The following ASB7 variants were observed in gnomAD, a reference collection of about 807,000 sequenced individuals.
ASB7 encodes ankyrin repeat and SOCS box containing 7.
Under a neutral mutation model 32.5 loss-of-function variants are expected in ASB7, and 4 were observed. The observed-to-expected ratio is 0.12, with a 90% CI of 0.06 to 0.28. The LOEUF (loss-of-function observed/expected upper bound fraction) is 0.28, where lower values mean the gene tolerates loss of function less well. ASB7 is among the 10% of genes least tolerant of loss of function. ASB7 has a pLI of 1.00. For synonymous variants in ASB7, 172 were observed against 155.6 expected (o/e 1.11, Z -0.78); for missense variants, 181 against 407.1 (o/e 0.44, Z 4.78).
chr15:100,615,167 T>C (rs944910418), intron 4 of ASB7, among the ~76,000 whole-genome samples: 11 of 152,252 alleles, frequency 7.2e-5, no homozygotes, highest in African/African-American at 2.4e-4. Flanking sequence ...GTGCATTTTA[T>C]GGTGTTCACA....
At position 100,647,196 on chromosome 15, in the gene ASB7, G is replaced by T. The variant is rs563085694; in HGVS notation, c.818-1127G>T. The stretch of plus-strand genomic sequence containing the variant: ...ATAGCCCACATAAAAGTTTCTGGGG[G>T]TTCGCAATAATTTTTTAAAGTGTAA... On this transcript the variant is annotated intron_variant, in intron 5 of 5. Coordinates refer to ENST00000332783, the MANE Select transcript of ASB7 (RefSeq NM_198243.3). 2.8e-3 allele frequency among the ~76,000 whole-genome samples: 432 copies of T among 152,226 alleles called. 3 individuals are homozygous for T. Among genetic ancestry groups the T allele is most frequent in the South Asian group, 5.4e-3 (26 of 4,822 alleles).
At chr15:100,619,003 A>G (rs1465358759) in intron 4 of ASB7, among the ~76,000 whole-genome samples, 1 of 152,206 alleles carries the variant, frequency 6.6e-6, no homozygotes, top group Non-Finnish European at 1.5e-5. Flanking sequence ...CTGGGATTCA[A>G]ACCGTTTCTT....
chr15:100,645,722 CT>C (rs2039993314), intron 5 of ASB7: 4 of 1,577,842 alleles, frequency 2.5e-6, no homozygotes, highest in Non-Finnish European at 3.5e-6. Flanking sequence ...TCTGATATGC[CT>C]ATCTGTGCTT....
At position 100,650,825 on chromosome 15, in the gene ASB7, A is replaced by C. The variant is rs1332026853; in HGVS notation, c.*2363A>C. ...AGAATGTTTTATTTTTGTTGTTAAT[A>C]AAATCCCAATCACATTTCACAATAA... is the stretch of plus-strand genomic sequence containing the variant. On this transcript the variant is annotated 3_prime_UTR_variant, in exon 6 of 6. Transcript: ENST00000332783. 6.6e-6 allele frequency: 1 copy of C among 152,238 alleles called. No homozygotes were observed. Among genetic ancestry groups the C allele is most frequent in the East Asian group, 1.9e-4 (1 of 5,206 alleles). 9.4% of individuals were successfully genotyped at this position (152,238 alleles called of 1,614,324 possible).
chr15:100,643,264 TAAC>T (rs2141407514), intron 5 of ASB7, among the ~76,000 whole-genome samples: 1 of 152,126 alleles, frequency 6.6e-6, no homozygotes, highest in South Asian at 2.1e-4. Context: ...GGAAGTTACT[TAAC>T]AACATTATCA....
At position 100,602,964 on chromosome 15, in the gene ASB7, GC is replaced by G; in HGVS notation, c.-353del. ...ATCAGGAACACCAGGGTCCGGCCCT[GC>G]CTGGGGTATTTCTTCAATGGAGAAG... On this transcript the variant is annotated 5_prime_UTR_variant, in exon 1 of 6. An upstream open reading frame in the 5' UTR gains an earlier in-frame stop. Transcript: ENST00000332783. The G allele has an allele frequency of 5.0e-6, 2 of 399,176 alleles. No homozygotes were observed. Among genetic ancestry groups the G allele is most frequent in the Non-Finnish European group, 8.8e-6 (2 of 226,480 alleles). 24.7% of individuals were successfully genotyped at this position (399,176 alleles called of 1,614,324 possible). A position where few individuals can be genotyped will look rare whatever the true frequency, so the allele number is the denominator to read the frequency against.
Position 100,612,333 on chromosome 15 carries a change from C to A in ASB7, c.117C>A (p.Ser39=). 1.2e-6 allele frequency: 2 copies of A among 1,613,938 alleles called. No individual in the cohort carries two copies. Among genetic ancestry groups the A allele is most frequent in the Non-Finnish European group, 1.7e-6 (2 of 1,179,838 alleles). Residue 39 remains serine, a synonymous_variant, in exon 4 of 6, where the codon TCC becomes TCA. Transcript: ENST00000332783. ...GAAAGATGCTAGAACAAGGCTATTC[C>A]CCGAATGGCCGAGATGCGAATGGCT... is the stretch of plus-strand genomic sequence containing the variant. The part of the protein sequence containing the change: ...TVRKMLEQGY[S]PNGRDANGWT...
chr15:100,619,226 G>A (rs143625853), intron 4 of ASB7, among the ~76,000 whole-genome samples: 2 of 152,266 alleles, frequency 1.3e-5, no homozygotes, highest in African/African-American at 2.4e-5. Context: ...TCCAACTCAG[G>A]GGGCACTGCG....
At chr15:100,646,570 T>C (rs527546392) in intron 5 of ASB7, 9 of 383,730 alleles carry the variant, frequency 2.3e-5, no homozygotes, top group African/African-American at 1.8e-4. Context: ...GTCAACACTT[T>C]AAGAGACAGC....
In ASB7 at chr15:100,612,437, G is replaced by T; in HGVS notation, c.211+10G>T. ...TTTCTAGAACACGGAGGTGAGTTTT[G>T]TAGAAGCAAATCTTTTTCCCCATGG... On this transcript the variant is annotated intron_variant, in intron 4 of 5. Transcript: ENST00000332783. 1 of 1,587,812 alleles carries T rather than the reference G, an allele frequency of 6.3e-7. No homozygotes were observed.
At chr15:100,607,171 T>C (rs2039653107) in intron 2 of ASB7, among the ~76,000 whole-genome samples, 1 of 150,988 alleles carries the variant, frequency 6.6e-6, no homozygotes, top group Non-Finnish European at 1.5e-5. Flanking sequence ...AAAAAGAAAA[T>C]TACTTCCTTT....
chr15:100,634,023 G>A (rs1358761019), intron 5 of ASB7, among the ~76,000 whole-genome samples: 1 of 152,166 alleles, frequency 6.6e-6, no homozygotes, highest in African/African-American at 2.4e-5. Context: ...TAGTGGTTAT[G>A]AACAGGAAAA....
chr15:100,635,391 A>G (rs368402510), intron 5 of ASB7, among the ~76,000 whole-genome samples: 16 of 151,808 alleles, frequency 1.1e-4, no homozygotes, highest in East Asian at 5.8e-4. Context: ...GCCTCTTAGT[A>G]TGTTTTGTGA....
chr15:100,636,771 T>A (rs2039925977), intron 5 of ASB7, among the ~76,000 whole-genome samples: 1 of 152,254 alleles, frequency 6.6e-6, no homozygotes. Flanking sequence ...TTTATTTATT[T>A]ATGTTAGAAT....
Position 100,628,601 on chromosome 15 carries a change from G to A in ASB7, c.212-836G>A, listed in dbSNP as rs541066075. ...CTGCCCCCAGCCAGGGATGCCATGG[G>A]GTGAACGCCATCAAGAACCAACCTT... is the stretch of plus-strand genomic sequence containing the variant. On this transcript the variant is annotated intron_variant, in intron 4 of 5. Transcript: ENST00000332783. Among the ~76,000 whole-genome samples the A allele has an allele frequency of 2.8e-4, 42 of 152,246 alleles. No homozygotes were observed. In the South Asian group the frequency reaches 5.2e-3, roughly 19 times the overall value.
At chr15:100,615,406 C>A (rs977165685) in intron 4 of ASB7, among the ~76,000 whole-genome samples, 18 of 152,150 alleles carry the variant, frequency 1.2e-4, no homozygotes, top group Non-Finnish European at 1.3e-4. Context: ...CCCAAAGAAA[C>A]CTTCTGTTGG....
chr15:100,633,016 C>T (rs552763390), intron 5 of ASB7, among the ~76,000 whole-genome samples: 1 of 152,058 alleles, frequency 6.6e-6, no homozygotes, highest in East Asian at 1.9e-4. Context: ...GAACCTCCCC[C>T]TTCCAGGACG....
At chr15:100,603,338 C>A (rs766510001) in intron 2 of ASB7, 25 bp downstream of exon 2, 18 of 236,668 alleles carry the variant, frequency 7.6e-5, no homozygotes, top group Non-Finnish European at 1.4e-4. Context: ...CTCCCCTCCC[C>A]CGTTGTTTAT....
chr15:100,642,953 T>C (rs902484432), intron 5 of ASB7, among the ~76,000 whole-genome samples: 4 of 152,218 alleles, frequency 2.6e-5, no homozygotes, highest in Non-Finnish European at 1.5e-5. Flanking sequence ...GGAGAATCGC[T>C]TGAACCCTGG....
Sources: gnomAD v4.1 joint callset for allele counts (sites outside exome capture counted in the v4.1 genomes callset) on GRCh38, gnomAD v4.1.1 for gene constraint, MANE v1.5 for transcripts, NCBI Gene and HGNC (gene_info 2026-07-23, HGNC 2026-07-21) for gene names.